TRPV3: variants seen among roughly 807,000 people sequenced by gnomAD.
The protein encoded by TRPV3 is VRL-3.
A neutral mutation model predicts 87.1 loss-of-function variants in TRPV3; 88 were observed. The ratio of observed to expected loss-of-function variants is 1.01; its 90% CI spans 0.85 to 1.21. The LOEUF (loss-of-function observed/expected upper bound fraction) is 1.21, where lower values mean the gene tolerates loss of function less well. Ranked by LOEUF, TRPV3 falls within the 50% of genes most tolerant of loss-of-function variation. The pLI is 0.00. For synonymous variants in TRPV3, 438 were observed against 423.3 expected (o/e 1.03, Z -0.43); for missense variants, 1,054 against 1,030.1 (o/e 1.02, Z -0.32).
intron 12 of TRPV3, among the ~76,000 whole-genome samples, chr17:3,525,244 T>C (rs558768127): frequency 6.6e-6 from 1 of 152,354 alleles, no homozygotes; most frequent in South Asian, 2.1e-4. Flanking sequence ...GGTCTCGAAC[T>C]TCTGACCTCA....
rs905529532 is a variant in TRPV3 at position 3,557,157 on chromosome 17, C to T, written c.-3+519G>A. Reference sequence around the variant, plus strand: ...CTGCTGGACTCTCTTGTTGCCCTGGCCCTCCCTCTCTCTCCCAATCCCTGA... The same window carrying T: ...CTGCTGGACTCTCTTGTTGCCCTGGTCCTCCCTCTCTCTCCCAATCCCTGA... On this transcript the variant is annotated intron_variant, in intron 1 of 17. Coordinates refer to ENST00000576742, the MANE Select transcript of TRPV3 (RefSeq NM_145068.4). The surrounding 1 kb of genome is among the most constrained non-coding windows in gnomAD (Gnocchi z 4.5). 6.6e-6 allele frequency among the ~76,000 whole-genome samples: 1 copy of T among 152,148 alleles called. No individual in the cohort carries two copies. The highest frequency in any genetic ancestry group is 1.5e-5 in the Non-Finnish European group (1 of 68,004).
intron 14 of TRPV3, among the ~76,000 whole-genome samples, chr17:3,519,436 G>GATTA (rs756061888): frequency 4.0e-4 from 42 of 103,754 alleles, no homozygotes; most frequent in Non-Finnish European, 7.6e-4. Flanking sequence ...ATGGATGGAT[G>GATTA]GATGGATGGA....
intron 7 of TRPV3, among the ~76,000 whole-genome samples, chr17:3,535,272 C>T (rs1386480621): frequency 1.7e-5 from 2 of 120,244 alleles, no homozygotes; most frequent in African/African-American, 3.1e-5. Flanking sequence ...CCTCTCCCTC[C>T]TCCCTCCTCC....
At chr17:3,544,555 G>A (rs1357578015) in intron 4 of TRPV3, 24 bp downstream of exon 4, 3 of 1,511,470 alleles carry the variant, frequency 2.0e-6, no homozygotes, top group South Asian at 1.2e-5. Context: ...GGCACAGTGG[G>A]TGGAGGGGGA....
At chr17:3,534,810 A>T (rs1180696115) in intron 7 of TRPV3, among the ~76,000 whole-genome samples, 1 of 151,992 alleles carries the variant, frequency 6.6e-6, no homozygotes, top group Non-Finnish European at 1.5e-5. Flanking sequence ...ACCTAAGTCA[A>T]TGCCCTGCTA....
At chr17:3,555,578 C>T (rs1473114961) in intron 1 of TRPV3, among the ~76,000 whole-genome samples, 1 of 152,130 alleles carries the variant, frequency 6.6e-6, no homozygotes, top group East Asian at 1.9e-4. Flanking sequence ...CAGAGGAGGC[C>T]GACCCCCCAG....
rs756573743 is a variant in TRPV3 at position 3,518,028 on chromosome 17, A to G, written c.2085+548T>C. On this transcript the variant is annotated intron_variant, in intron 15 of 17. Coordinates refer to ENST00000576742, the MANE Select transcript of TRPV3 (RefSeq NM_145068.4). The surrounding 1 kb of genome is among the most constrained non-coding windows in gnomAD (Gnocchi z 4.3). ...GCGATGAGGTTTCACCATGTTGGCC[A>G]AGCTGGGCTCGAACTCTTGACCTCA... is the stretch of plus-strand genomic sequence containing the variant. Among the ~76,000 whole-genome samples, 3 of 152,052 alleles carry G rather than the reference A, an allele frequency of 2.0e-5. No homozygotes were observed. Among genetic ancestry groups the G allele is most frequent in the Admixed American group, 1.3e-4 (2 of 15,270 alleles).
Position 3,554,666 on chromosome 17 carries a change from G to GA in TRPV3, c.119+65_119+66insT, listed in dbSNP as rs1466226371. ...CCCCAAGGCAAGGGCTCCCTGGGGG[G>GA]GTGCCAGGCCCCCACTCGTGCCCCT... On this transcript the variant is annotated intron_variant, in intron 2 of 17. Transcript: ENST00000576742. 63 of 1,182,482 alleles carry GA rather than the reference G, an allele frequency of 5.3e-5. 1 individual carries two copies. Among genetic ancestry groups the GA allele is most frequent in the Non-Finnish European group, 7.1e-5 (58 of 817,822 alleles). The allele number at this position is 1,182,482 out of a possible 1,614,324, so 73.2% of individuals were successfully genotyped here.
chr17:3,516,470 G>A lies in TRPV3; in HGVS notation c.2185C>T (p.Arg729Ter), dbSNP rs11654533. The A allele has an allele frequency of 3.8e-4, 614 of 1,613,782 alleles. No homozygotes were observed. The highest frequency in any genetic ancestry group is 4.8e-4 in the Non-Finnish European group (565 of 1,179,886). ...TCCCTTTGTTACCGCAAACACAGTC[G>A]GAAATCATCCTCGGCCACTTTGCAC... ...ELCKVAEDDF[R>*]LCLRINEVKW... Residue 729 changes from arginine to a stop codon, truncating the protein, a stop_gained, in exon 16 of 18, where the codon CGA becomes TGA. Coordinates refer to ENST00000576742, the MANE Select transcript of TRPV3 (RefSeq NM_145068.4). LOFTEE classifies it high-confidence loss of function.
At position 3,518,610 on chromosome 17, in the gene TRPV3, A is replaced by T; in HGVS notation, c.2051T>A (p.Val684Asp). The change falls in exon 15 of 18, where the codon GTC (valine) becomes GAC (aspartate). Residue 684 changes from valine to aspartate, a missense_variant. By Grantham distance (152) the Val-to-Asp change is radical. Coordinates refer to ENST00000576742, the MANE Select transcript of TRPV3 (RefSeq NM_145068.4). This position sits in a 1 kb window ranked among gnomAD's most constrained non-coding sequence, Gnocchi z 4.3. Reference sequence around the variant, plus strand: ...CCAGATGCGTTCGCTCTCCTTGGAGACGTTCTCCACAGTCTCGCCCATCAG... The same window carrying T: ...CCAGATGCGTTCGCTCTCCTTGGAGTCGTTCTCCACAGTCTCGCCCATCAG... ...IALMGETVEN[V>D]SKESERIWRL... 1.3e-6 allele frequency: 2 copies of T among 1,568,890 alleles called. No individual in the cohort carries two copies. The highest frequency in any genetic ancestry group is 1.2e-5 in the South Asian group (1 of 85,500).
intron 7 of TRPV3, among the ~76,000 whole-genome samples, 183 bp downstream of exon 7, chr17:3,535,390 C>T (rs895911713): frequency 7.1e-6 from 1 of 140,482 alleles, no homozygotes; most frequent in African/African-American, 2.7e-5. Flanking sequence ...CCTCCCTCCT[C>T]CCTCTCCCTC....
Position 3,510,726 on chromosome 17 carries a change from T to G in TRPV3, c.*3191A>C, listed in dbSNP as rs2074100987. The G allele has an allele frequency of 1.3e-5, 2 of 152,220 alleles. No homozygotes were observed. The highest frequency in any genetic ancestry group is 4.8e-5 in the African/African-American group (2 of 41,454). 9.4% of individuals were successfully genotyped at this position (152,220 alleles called of 1,614,324 possible). ...AACCAAGATCACAGTAAAAAATATG[T>G]AAATCAATGCAGAAATCAAGTACGG... On this transcript the variant is annotated 3_prime_UTR_variant, in exon 18 of 18. Transcript: ENST00000576742.
chr17:3,554,932 G>A lies in TRPV3; in HGVS notation c.-2-80C>T. The A allele has an allele frequency of 3.7e-6, 3 of 820,444 alleles. No homozygotes were observed. The Admixed American group carries it at 6.8e-5, about 19-fold the overall frequency. 50.8% of individuals were successfully genotyped at this position (820,444 alleles called of 1,614,324 possible). A position where few individuals can be genotyped will look rare whatever the true frequency, so the allele number is the denominator to read the frequency against. On this transcript the variant is annotated intron_variant, in intron 1 of 17. Transcript: ENST00000576742. ...GGGAGTTTAGGGGCCCCATGTGGCT[G>A]CATCCAGCTCCCGTTCACACTACCT...
intron 2 of TRPV3, among the ~76,000 whole-genome samples, chr17:3,550,069 G>A (rs946859169): frequency 2.0e-5 from 3 of 152,132 alleles, no homozygotes; most frequent in African/African-American, 7.2e-5. Context: ...TGGATGGATG[G>A]ATGGATGGAT....
At chr17:3,516,932 G>C (rs544202793) in intron 15 of TRPV3, among the ~76,000 whole-genome samples, 1 of 151,700 alleles carries the variant, frequency 6.6e-6, no homozygotes, top group South Asian at 2.1e-4. Context: ...GATCACCTGA[G>C]ATCAGGAGTT....
intron 13 of TRPV3, among the ~76,000 whole-genome samples, chr17:3,522,097 AT>A (rs1025327483): frequency 6.6e-6 from 1 of 152,138 alleles, no homozygotes; most frequent in Admixed American, 6.6e-5. Context: ...TAATTAATTA[AT>A]TTAATTAAAT....
intron 4 of TRPV3, 103 bp downstream of exon 4, chr17:3,544,476 G>C: frequency 1.4e-6 from 1 of 699,500 alleles, no homozygotes; most frequent in East Asian, 2.9e-5. Flanking sequence ...CAATCCCCAG[G>C]AATGGTGGAT....
Position 3,528,129 on chromosome 17 carries a change from G to T in TRPV3, c.1402-3C>A, listed in dbSNP as rs1226066206. On this transcript the variant is annotated splice_polypyrimidine_tract_variant and splice_region_variant and intron_variant, in intron 10 of 17. Transcript: ENST00000576742. This position sits in a 1 kb window ranked among gnomAD's most constrained non-coding sequence, Gnocchi z 4.2. ...AGGGCCAAGGGGTGCGGGATGGCCT[G>T]CAGGGAAAGAAGAGGGGTGGTCAGT... 3 of 1,610,520 alleles carry T rather than the reference G, an allele frequency of 1.9e-6. No homozygotes were observed. Among genetic ancestry groups the T allele is most frequent in the Non-Finnish European group, 2.5e-6 (3 of 1,178,136 alleles).
intron 11 of TRPV3, 83 bp from the exon 12 acceptor site, chr17:3,527,010 C>A: frequency 1.8e-6 from 2 of 1,117,954 alleles, no homozygotes; most frequent in Non-Finnish European, 2.7e-6. Flanking sequence ...TCCCCAGGAC[C>A]AAGACTCAGT....
Sources: gnomAD v4.1 joint callset for allele counts (sites outside exome capture counted in the v4.1 genomes callset) on GRCh38, gnomAD v4.1.1 for gene constraint, Gnocchi (gnomAD v3.1) non-coding constraint, MANE v1.5 for transcripts, NCBI Gene and HGNC (gene_info 2026-07-23, HGNC 2026-07-21) for gene names.